Variants in DIS3L2 observed in about 807,000 individuals in gnomAD.
DIS3L2 encodes the protein DIS3 like 3'-5' exoribonuclease 2.
Under a neutral mutation model 97.5 loss-of-function variants are expected in DIS3L2, and 34 were observed. The observed-to-expected ratio is 0.35, with a 90% CI of 0.27 to 0.46. The LOEUF (loss-of-function observed/expected upper bound fraction) is 0.46, where lower values mean the gene tolerates loss of function less well. Among genes scored for constraint, DIS3L2 ranks in the 20% least tolerant of loss-of-function variants. DIS3L2 has a pLI of 1.00. For synonymous variants in DIS3L2, 435 were observed against 445.2 expected, an observed-to-expected ratio of 0.98 and a Z score of 0.29; for missense variants, 1,038 against 1,146.0, an observed-to-expected ratio of 0.91 and a Z score of 1.36.
chr2:232,109,289 T>C (rs1177825066), intron 6 of DIS3L2, among the ~76,000 whole-genome samples: 1 of 151,878 alleles, frequency 6.6e-6, no homozygotes. Context: ...GTATTAAAAA[T>C]ACAAAAATTA....
At chr2:232,077,955 C>CCCTTTCTTTCTT (rs1315257446) in intron 5 of DIS3L2, among the ~76,000 whole-genome samples, 17 of 108,770 alleles carry the variant, frequency 1.6e-4, no homozygotes, top group Admixed American at 5.4e-4. Flanking sequence ...TTCTTTCTTT[C>CCCTTTCTTTCTT]TCTTTCTTTC....
intron 9 of DIS3L2, among the ~76,000 whole-genome samples, chr2:232,164,232 T>C (rs1486540745): frequency 6.6e-6 from 1 of 152,212 alleles, no homozygotes; most frequent in South Asian, 2.1e-4. Context: ...GATTCAAGAC[T>C]TCTGTACTTG....
chr2:232,283,776 C>A (rs1203324216), intron 13 of DIS3L2, among the ~76,000 whole-genome samples: 1 of 152,124 alleles, frequency 6.6e-6, no homozygotes, highest in Non-Finnish European at 1.5e-5. Flanking sequence ...TTGCCAGGAG[C>A]TAGGGATGGC....
At chr2:232,308,466 A>T (rs950928763) in intron 14 of DIS3L2, among the ~76,000 whole-genome samples, 1 of 152,048 alleles carries the variant, frequency 6.6e-6, no homozygotes, top group African/African-American at 2.4e-5. Context: ...AAAATCTTCC[A>T]TTTTTTCCTG....
At chr2:232,033,074 G>A (rs545606972) in intron 5 of DIS3L2, among the ~76,000 whole-genome samples, 1 of 152,214 alleles carries the variant, frequency 6.6e-6, no homozygotes, top group African/African-American at 2.4e-5. Flanking sequence ...AATTACTTTG[G>A]GCACTATGGC....
At chr2:232,206,981 C>A (rs998985) in intron 9 of DIS3L2, among the ~76,000 whole-genome samples, 29,823 of 152,116 alleles carry the variant, frequency 0.2, 3,541 homozygotes, top group South Asian at 0.46. Context: ...TCTCAAAGCA[C>A]CCAGAGACGT....
At chr2:232,202,095 G>A (rs1434276057) in intron 9 of DIS3L2, among the ~76,000 whole-genome samples, 1 of 152,140 alleles carries the variant, frequency 6.6e-6, no homozygotes, top group Non-Finnish European at 1.5e-5. Context: ...TCTGCTTCAG[G>A]ATGTTGTTTT....
chr2:232,073,255 C>A (rs2106289318), intron 5 of DIS3L2, among the ~76,000 whole-genome samples: 2 of 152,186 alleles, frequency 1.3e-5, no homozygotes, highest in Middle Eastern at 3.4e-3. Flanking sequence ...TAAGCCTAGC[C>A]AGGGAAGCCA....
chr2:232,290,741 T>A (rs1336681031), intron 13 of DIS3L2, among the ~76,000 whole-genome samples: 1 of 152,180 alleles, frequency 6.6e-6, no homozygotes, highest in Non-Finnish European at 1.5e-5. Flanking sequence ...TGGCTTTAAG[T>A]GAAAACACAG....
intron 10 of DIS3L2, among the ~76,000 whole-genome samples, chr2:232,230,806 G>A (rs1188614897): frequency 1.3e-5 from 2 of 152,104 alleles, no homozygotes; most frequent in African/African-American, 4.8e-5. Context: ...TCCTGACCCA[G>A]CAGGGCAGCT....
chr2:232,287,968 G>A (rs1050461402), intron 13 of DIS3L2, among the ~76,000 whole-genome samples: 6 of 152,186 alleles, frequency 3.9e-5, no homozygotes, highest in Non-Finnish European at 7.3e-5. Flanking sequence ...TGTTCTGAGC[G>A]ACCAATTAAG....
intron 14 of DIS3L2, among the ~76,000 whole-genome samples, chr2:232,306,404 A>C (rs1304330550): frequency 6.6e-6 from 1 of 152,178 alleles, no homozygotes; most frequent in Non-Finnish European, 1.5e-5. Context: ...AACTGTATCA[A>C]CGTCTGATAC....
intron 10 of DIS3L2, among the ~76,000 whole-genome samples, chr2:232,211,369 C>G (rs902517054): frequency 6.6e-6 from 1 of 152,202 alleles, no homozygotes; most frequent in Non-Finnish European, 1.5e-5. Flanking sequence ...TGGTCTTGAA[C>G]TCCTGGGCTC....
chr2:232,230,703 A>G lies in DIS3L2; in HGVS notation c.1205-7830A>G, dbSNP rs140444955. On this transcript the variant is annotated intron_variant, in intron 10 of 20. Coordinates refer to ENST00000325385, the MANE Select transcript of DIS3L2 (RefSeq NM_152383.5). ...TGGTCTGCAGAGTGGGTGAGGTGGC[A>G]AAGTGAGAAAGTGAGTATGGTACAT... 8.3e-4 allele frequency among the ~76,000 whole-genome samples: 127 copies of G among 152,302 alleles called. 2 individuals are homozygous for G. The East Asian group carries it at 0.022, about 27-fold the overall frequency.
At chr2:232,285,395 C>T (rs747680793) in intron 13 of DIS3L2, among the ~76,000 whole-genome samples, 3 of 152,246 alleles carry the variant, frequency 2.0e-5, no homozygotes, top group Non-Finnish European at 4.4e-5. Context: ...AGTCCAGCCT[C>T]TCCACCTGCA....
At chr2:232,049,872 C>T (rs965507189) in intron 5 of DIS3L2, among the ~76,000 whole-genome samples, 1 of 152,158 alleles carries the variant, frequency 6.6e-6, no homozygotes, top group Non-Finnish European at 1.5e-5. Flanking sequence ...TTTGTGTCCT[C>T]ATGGTATTTA....
intron 9 of DIS3L2, among the ~76,000 whole-genome samples, chr2:232,194,711 A>T (rs1691701863): frequency 6.6e-6 from 1 of 152,216 alleles, no homozygotes; most frequent in African/African-American, 2.4e-5. Context: ...AGGAATGGAA[A>T]GTGGGCTTTA....
At chr2:232,217,900 T>C (rs1199373850) in intron 10 of DIS3L2, among the ~76,000 whole-genome samples, 1 of 152,170 alleles carries the variant, frequency 6.6e-6, no homozygotes, top group Admixed American at 6.5e-5. Context: ...GAAATGTGAT[T>C]GGGCAAAAAG....
rs1695927974 is a variant in DIS3L2, at chr2:232,335,890, T to C, written c.2496+16T>C. Reference sequence around the variant, plus strand: ...AGCACAGCAGGTCAGAACCCCTCTGTGTCCCAGCCCCCTAAGTCCTGATGA... The same window carrying C: ...AGCACAGCAGGTCAGAACCCCTCTGCGTCCCAGCCCCCTAAGTCCTGATGA... On this transcript the variant is annotated intron_variant, in intron 20 of 20. Transcript: ENST00000325385. The C allele has an allele frequency of 5.2e-6, 8 of 1,549,900 alleles. No individual in the cohort carries two copies. Among genetic ancestry groups the C allele is most frequent in the Non-Finnish European group, 7.0e-6 (8 of 1,146,934 alleles).
Sources: allele counts gnomAD v4.1 joint callset (sites outside exome capture counted in the v4.1 genomes callset), GRCh38; gene constraint gnomAD v4.1.1; transcripts MANE v1.5; gene names NCBI Gene and HGNC (gene_info 2026-07-23, HGNC 2026-07-21).